Variants in ANKS1B observed in about 807,000 individuals in gnomAD.
ANKS1B encodes ankyrin repeat and sterile alpha motif domain containing 1B.
Under a neutral mutation model 148.3 loss-of-function variants are expected in ANKS1B, and 36 were observed. That is an observed-to-expected ratio of 0.24 (90% CI 0.19 to 0.32). ANKS1B has a LOEUF of 0.32. Ranked by LOEUF, ANKS1B falls within the 10% of genes least tolerant of loss-of-function variation. The probability of loss-of-function intolerance (pLI) is 1.00; values close to 1 mark genes in which losing one functional copy is unlikely to be tolerated. For missense variants in ANKS1B, 1,157 were observed against 1,542.6 expected, an observed-to-expected ratio of 0.75 and a Z score of 4.19; for synonymous variants, 542 against 560.8, an observed-to-expected ratio of 0.97 and a Z score of 0.47.
At chr12:99,601,251 A>G (rs1356751485) in intron 9 of ANKS1B, among the ~76,000 whole-genome samples, 1 of 152,078 alleles carries the variant, frequency 6.6e-6, no homozygotes, top group Admixed American at 6.6e-5. Flanking sequence ...ATTTCTGCCT[A>G]CGAAGATTTT....
chr12:98,889,089 T>C (rs1451014100), intron 17 of ANKS1B, among the ~76,000 whole-genome samples: 1 of 152,256 alleles, frequency 6.6e-6, no homozygotes, highest in Non-Finnish European at 1.5e-5. Flanking sequence ...TCAGAATGCA[T>C]GTTCTTTAAA....
intron 17 of ANKS1B, among the ~76,000 whole-genome samples, chr12:99,035,002 G>A (rs1421554983): frequency 6.6e-6 from 1 of 152,188 alleles, no homozygotes; most frequent in Non-Finnish European, 1.5e-5. Context: ...GTGACATGAT[G>A]TGAGCTGAGA....
At chr12:99,279,435 A>T (rs1233871293) in intron 12 of ANKS1B, among the ~76,000 whole-genome samples, 1 of 152,170 alleles carries the variant, frequency 6.6e-6, no homozygotes, top group East Asian at 1.9e-4. Context: ...CATCCAAAAA[A>T]GAAACCTTGC....
intron 14 of ANKS1B, among the ~76,000 whole-genome samples, chr12:99,217,019 T>A (rs1444100741): frequency 6.6e-6 from 1 of 152,136 alleles, no homozygotes; most frequent in East Asian, 1.9e-4. Flanking sequence ...ATGGAAGCTG[T>A]GTGTTAAAGG....
intron 1 of ANKS1B, among the ~76,000 whole-genome samples, chr12:99,873,131 C>A (rs2091713216): frequency 6.6e-6 from 1 of 152,128 alleles, no homozygotes; most frequent in Non-Finnish European, 1.5e-5. Context: ...ATGTCAATCA[C>A]TTAGCACTGT....
intron 9 of ANKS1B, among the ~76,000 whole-genome samples, chr12:99,639,462 A>G (rs1329694867): frequency 6.6e-6 from 1 of 152,156 alleles, no homozygotes; most frequent in East Asian, 1.9e-4. Flanking sequence ...TTGAAATGTG[A>G]GAACATGATA....
intron 2 of ANKS1B, among the ~76,000 whole-genome samples, chr12:99,819,881 C>T (rs1250973392): frequency 2.0e-5 from 3 of 149,956 alleles, no homozygotes; most frequent in Admixed American, 2.0e-4. Context: ...CAGAGGAGAA[C>T]AAGAAAAAAA....
At chr12:99,324,522 C>G (rs111750778) in intron 12 of ANKS1B, among the ~76,000 whole-genome samples, 3,655 of 152,134 alleles carry the variant, frequency 0.024, 154 homozygotes, top group African/African-American at 0.083. Context: ...TTCTACTTAG[C>G]TTAATAAGGT....
At chr12:99,263,857 T>C (rs1356583049) in intron 12 of ANKS1B, among the ~76,000 whole-genome samples, 1 of 152,196 alleles carries the variant, frequency 6.6e-6, no homozygotes, top group Non-Finnish European at 1.5e-5. Context: ...CAACTAAACC[T>C]CTTTTCTTTA....
chr12:99,958,446 G>A lies in ANKS1B; in HGVS notation c.134+25658C>T, dbSNP rs559038856. 4.6e-5 allele frequency among the ~76,000 whole-genome samples: 7 copies of A among 152,222 alleles called. No individual in the cohort carries two copies. In the East Asian group the frequency reaches 5.8e-4, roughly 13 times the overall value. The stretch of plus-strand genomic sequence containing the variant: ...CACCCAGGCTGGAGTGCAGTGGCAC[G>A]ATCTCAGCTCACTACAGCCTCAACC... On this transcript the variant is annotated intron_variant, in intron 1 of 26. Coordinates refer to ENST00000683438, the MANE Select transcript of ANKS1B (RefSeq NM_001352186.2).
chr12:99,855,954 A>G (rs1448720879), intron 1 of ANKS1B, among the ~76,000 whole-genome samples: 1 of 152,154 alleles, frequency 6.6e-6, no homozygotes, highest in African/African-American at 2.4e-5. Context: ...ACCTACATCA[A>G]AAAGTCTAAA....
chr12:99,225,172 A>G (rs2085709695), intron 14 of ANKS1B, among the ~76,000 whole-genome samples: 2 of 152,158 alleles, frequency 1.3e-5, no homozygotes, highest in South Asian at 4.1e-4. Context: ...TAATGAAAGC[A>G]TTGTTCCAAA....
chr12:99,688,673 G>GA (rs1351769257), intron 8 of ANKS1B, among the ~76,000 whole-genome samples: 3 of 151,810 alleles, frequency 2.0e-5, no homozygotes, highest in African/African-American at 4.8e-5. Context: ...TTGGTCTCTA[G>GA]AAAAAAACAT....
intron 8 of ANKS1B, among the ~76,000 whole-genome samples, chr12:99,745,982 T>G (rs1484041139): frequency 6.6e-6 from 1 of 152,076 alleles, no homozygotes; most frequent in African/African-American, 2.4e-5. Flanking sequence ...ATGAGCCATA[T>G]ACGGTTGGAA....
intron 1 of ANKS1B, among the ~76,000 whole-genome samples, chr12:99,910,007 C>T (rs1165514950): frequency 2.0e-5 from 3 of 152,090 alleles, no homozygotes; most frequent in Non-Finnish European, 4.4e-5. Context: ...CCAAACACAG[C>T]ATTCTAGGAA....
At chr12:99,722,589 A>G (rs2058194543) in intron 8 of ANKS1B, among the ~76,000 whole-genome samples, 1 of 152,144 alleles carries the variant, frequency 6.6e-6, no homozygotes, top group African/African-American at 2.4e-5. Context: ...CAATGCACCT[A>G]ATTACCCAAG....
intron 1 of ANKS1B, among the ~76,000 whole-genome samples, chr12:99,931,372 C>T (rs2094610637): frequency 6.6e-6 from 1 of 151,972 alleles, no homozygotes; most frequent in South Asian, 2.1e-4. Flanking sequence ...AAGAGAATGA[C>T]AGAGGGATTA....
intron 17 of ANKS1B, among the ~76,000 whole-genome samples, chr12:99,019,147 A>G (rs1393144655): frequency 1.3e-5 from 2 of 152,154 alleles, no homozygotes; most frequent in Non-Finnish European, 1.5e-5. Flanking sequence ...AATGCTCCAT[A>G]GAGTTTTGAG....
intron 9 of ANKS1B, among the ~76,000 whole-genome samples, chr12:99,592,123 T>C (rs2097709035): frequency 6.6e-6 from 1 of 152,164 alleles, no homozygotes; most frequent in Non-Finnish European, 1.5e-5. Flanking sequence ...TTCATACTAA[T>C]ATAATGGTGA....
Sources: gnomAD v4.1 joint callset for allele counts (sites outside exome capture counted in the v4.1 genomes callset) on GRCh38, gnomAD v4.1.1 for gene constraint, MANE v1.5 for transcripts, NCBI Gene and HGNC (gene_info 2026-07-23, HGNC 2026-07-21) for gene names.